The following RBM28 variants were observed in gnomAD, a reference collection of about 807,000 sequenced individuals.
RBM28 encodes the protein RNA-binding protein 28.
RBM28 carries 78 observed loss-of-function variants against 98.3 expected under a neutral mutation model. The observed-to-expected ratio is 0.79, with a 90% CI of 0.66 to 0.96. The LOEUF (loss-of-function observed/expected upper bound fraction) is 0.96, where lower values mean the gene tolerates loss of function less well. Ranked by LOEUF, RBM28 falls within the 40% of genes least tolerant of loss-of-function variation. The probability of loss-of-function intolerance (pLI) is 0.00; values close to 1 mark genes in which losing one functional copy is unlikely to be tolerated. For synonymous variants in RBM28, 306 were observed against 330.9 expected, an observed-to-expected ratio of 0.92 and a Z score of 0.82; for missense variants, 838 against 913.0, an observed-to-expected ratio of 0.92 and a Z score of 1.06.
At chr7:128,312,795 T>C (rs1203712989) in intron 18 of RBM28, among the ~76,000 whole-genome samples, 4 of 152,190 alleles carry the variant, frequency 2.6e-5, no homozygotes, top group Admixed American at 2.6e-4. Flanking sequence ...GATATTATAA[T>C]GGCATAAGGT....
rs1232300665 is a variant in RBM28, at chr7:128,315,006, G to C, written c.1803C>G (p.Ser601=). 6.2e-7 allele frequency: 1 copy of C among 1,614,176 alleles called. No homozygotes were observed. The highest frequency in any genetic ancestry group is 8.5e-7 in the Non-Finnish European group (1 of 1,180,028). Residue 601 remains serine, a synonymous_variant, in exon 17 of 19, where the codon TCC becomes TCG. Coordinates refer to ENST00000223073, the MANE Select transcript of RBM28 (RefSeq NM_018077.3). ...TCTGAGGCTCACCAGTTGCAGGCTT[G>C]GATCTCATTTTTTGCTGCATAAAAC... ...RIQRSLQKMR[S]KPATGEPQKG...
intron 18 of RBM28, among the ~76,000 whole-genome samples, chr7:128,312,300 C>G (rs1236927908): frequency 6.6e-6 from 1 of 152,120 alleles, no homozygotes; most frequent in Non-Finnish European, 1.5e-5. Flanking sequence ...GCCTGTAATT[C>G]CAGCTACTCG....
At chr7:128,331,629 C>T (rs546713270) in intron 9 of RBM28, among the ~76,000 whole-genome samples, 6 of 151,804 alleles carry the variant, frequency 4.0e-5, no homozygotes, top group African/African-American at 1.2e-4. Context: ...CAGAAAAATC[C>T]CTCAAAATAG....
intron 16 of RBM28, among the ~76,000 whole-genome samples, chr7:128,316,875 G>A (rs542531913): frequency 1.3e-5 from 2 of 152,304 alleles, no homozygotes; most frequent in South Asian, 2.1e-4. Flanking sequence ...AGAATGGCTC[G>A]TCTGTTGGTA....
intron 10 of RBM28, among the ~76,000 whole-genome samples, chr7:128,328,065 A>G (rs1255738123): frequency 6.6e-6 from 1 of 152,122 alleles, no homozygotes; most frequent in Non-Finnish European, 1.5e-5. Flanking sequence ...CCTGCCTCCT[A>G]TCTTCCACTC....
At chr7:128,333,089 A>G (rs749266220) in intron 9 of RBM28, among the ~76,000 whole-genome samples, 1 of 152,174 alleles carries the variant, frequency 6.6e-6, no homozygotes, top group African/African-American at 2.4e-5. Flanking sequence ...TGAAAACGTG[A>G]TGTCAGGACC....
Position 128,306,285 on chromosome 7 carries a change from T to C in RBM28, c.*4512A>G, listed in dbSNP as rs1397196751. ...AGGAGGGGCACAGAGACTGTCCAGA[T>C]TGGAATGGACAAGGCATAGCAGAAA... On this transcript the variant is annotated 3_prime_UTR_variant, in exon 19 of 19. Coordinates refer to ENST00000223073, the MANE Select transcript of RBM28 (RefSeq NM_018077.3). 6.6e-6 allele frequency: 1 copy of C among 152,166 alleles called. No homozygotes were observed. The highest frequency in any genetic ancestry group is 1.5e-5 in the Non-Finnish European group (1 of 68,050). 9.4% of individuals were successfully genotyped at this position (152,166 alleles called of 1,614,324 possible). A position where few individuals can be genotyped will look rare whatever the true frequency, so the allele number is the denominator to read the frequency against.
At chr7:128,320,219 A>G (rs1796194610) in intron 14 of RBM28, among the ~76,000 whole-genome samples, 1 of 47,650 alleles carries the variant, frequency 2.1e-5, no homozygotes, top group Admixed American at 3.4e-4. Flanking sequence ...CCGTCTCAAA[A>G]AAAAAAAAAA....
chr7:128,332,287 T>A (rs575807964), intron 9 of RBM28, among the ~76,000 whole-genome samples: 1 of 151,908 alleles, frequency 6.6e-6, no homozygotes, highest in East Asian at 1.9e-4. Context: ...TTAAGGTTAA[T>A]TTTTTTGACT....
intron 10 of RBM28, among the ~76,000 whole-genome samples, chr7:128,329,475 A>C (rs1796425590): frequency 6.6e-6 from 1 of 152,180 alleles, no homozygotes; most frequent in African/African-American, 2.4e-5. Flanking sequence ...AAAGGCTTAG[A>C]ATGGAGGTAG....
At chr7:128,331,059 C>A (rs921474311) in intron 9 of RBM28, 131 bp from the exon 10 acceptor site, 2 of 704,376 alleles carry the variant, frequency 2.8e-6, no homozygotes, top group South Asian at 1.5e-5. Flanking sequence ...ATAGGGATGG[C>A]CCCCAGTGAC....
Position 128,310,900 on chromosome 7 carries a change from G to A in RBM28, c.2177C>T (p.Thr726Met), listed in dbSNP as rs376787376. The change falls in exon 19 of 19, where the codon ACG (threonine) becomes ATG (methionine). Residue 726 changes from threonine (T) to methionine (M), a missense_variant. Coordinates refer to ENST00000223073, the MANE Select transcript of RBM28 (RefSeq NM_018077.3). The part of the protein sequence containing the change: ...VSRKKAKGNK[T>M]ETRFNQLVEQ... ...GACCAGCTGGTTGAAGCGGGTTTCC[G>A]TCTTATTTCCCTTAGCTTTTTTCCT... 5.0e-6 allele frequency: 8 copies of A among 1,613,504 alleles called. No homozygotes were observed. The highest frequency in any genetic ancestry group is 3.3e-5 in the South Asian group (3 of 91,074).
At chr7:128,321,920 T>C (rs1796244175) in intron 13 of RBM28, among the ~76,000 whole-genome samples, 1 of 152,020 alleles carries the variant, frequency 6.6e-6, no homozygotes, top group South Asian at 2.1e-4. Context: ...TAGTAGTGCA[T>C]GCCTGTAATC....
At chr7:128,333,733 A>C (rs1223419854) in intron 8 of RBM28, among the ~76,000 whole-genome samples, 1 of 152,150 alleles carries the variant, frequency 6.6e-6, no homozygotes, top group Admixed American at 6.6e-5. Context: ...AAAATAAATA[A>C]ATAAAAATAA....
chr7:128,301,874 G>T lies in RBM28; in HGVS notation c.*8923C>A, dbSNP rs1795786438. Reference sequence around the variant, plus strand: ...GAAACTGACTTTCCATGGCTCCGACGAGGGGTCCTGAGGCACTCTATCGAA... The same window carrying T: ...GAAACTGACTTTCCATGGCTCCGACTAGGGGTCCTGAGGCACTCTATCGAA... On this transcript the variant is annotated 3_prime_UTR_variant, in exon 19 of 19. Transcript: ENST00000223073. 6.6e-6 allele frequency: 1 copy of T among 152,210 alleles called. No individual in the cohort carries two copies. The highest frequency in any genetic ancestry group is 6.5e-5 in the Admixed American group (1 of 15,286). The allele number at this position is 152,210 out of a possible 1,614,324, so 9.4% of individuals were successfully genotyped here.
rs1795831944 is a variant in RBM28, at chr7:128,304,788, T to C, written c.*6009A>G. The C allele has an allele frequency of 6.6e-6, 1 of 152,310 alleles. No individual in the cohort carries two copies. Among genetic ancestry groups the C allele is most frequent in the Admixed American group, 6.5e-5 (1 of 15,282 alleles). 9.4% of individuals were successfully genotyped at this position (152,310 alleles called of 1,614,324 possible). On this transcript the variant is annotated 3_prime_UTR_variant, in exon 19 of 19. Transcript: ENST00000223073. ...GAGCTGAGGGCTGGATAATTTCATG[T>C]TCTCTGGCAACTGATGGCCACTGTG...
intron 10 of RBM28, 119 bp from the exon 11 acceptor site, chr7:128,326,010 A>G: frequency 1.2e-6 from 1 of 832,040 alleles, no homozygotes. Flanking sequence ...CCATTTATTA[A>G]GTACAGCCAT....
Position 128,302,742 on chromosome 7 carries a change from A to C in RBM28, c.*8055T>G, listed in dbSNP as rs981994997. ...GTTAGTCCAGGGGTAGCAGGAAAAG[A>C]AGCTGGTCAAGTAAAGGGTTTAATC... On this transcript the variant is annotated 3_prime_UTR_variant, in exon 19 of 19. Coordinates refer to ENST00000223073, the MANE Select transcript of RBM28 (RefSeq NM_018077.3). 2 of 152,194 alleles carry C rather than the reference A, an allele frequency of 1.3e-5. No homozygotes were observed. The highest frequency in any genetic ancestry group is 2.1e-4 in the South Asian group (1 of 4,832). 9.4% of individuals were successfully genotyped at this position (152,194 alleles called of 1,614,324 possible). A position where few individuals can be genotyped will look rare whatever the true frequency, so the allele number is the denominator to read the frequency against.
At position 128,341,132 on chromosome 7, in the gene RBM28, T is replaced by C. The variant is rs1365343049; in HGVS notation, c.119-1341A>G. The C allele has an allele frequency of 5.4e-6, 7 of 1,286,170 alleles. No individual in the cohort carries two copies. In the East Asian group the frequency reaches 2.8e-4, roughly 51 times the overall value. The allele number at this position is 1,286,170 out of a possible 1,614,324, so 79.7% of individuals were successfully genotyped here. On this transcript the variant is annotated intron_variant, in intron 1 of 18. Coordinates refer to ENST00000223073, the MANE Select transcript of RBM28 (RefSeq NM_018077.3). The stretch of plus-strand genomic sequence containing the variant: ...TCTGCCTTTACCTGAAAAGGACACA[T>C]AGTTCATATGCTCTGCTTCTCTTTC...
Sources: allele counts gnomAD v4.1 joint callset (sites outside exome capture counted in the v4.1 genomes callset), GRCh38; gene constraint gnomAD v4.1.1; transcripts MANE v1.5; gene names NCBI Gene and HGNC (gene_info 2026-07-23, HGNC 2026-07-21).